TENM2: variants seen among roughly 807,000 people sequenced by gnomAD.
The protein encoded by TENM2 is teneurin-2.
In TENM2, 52 loss-of-function variants were observed where a neutral mutation model predicts 245.2. The observed-to-expected ratio is 0.21, with a 90% CI of 0.17 to 0.27. The LOEUF (loss-of-function observed/expected upper bound fraction) is 0.27. TENM2 is among the 10% of genes least tolerant of loss of function. The probability of loss-of-function intolerance (pLI) is 1.00; values close to 1 mark genes in which losing one functional copy is unlikely to be tolerated. For missense variants in TENM2, 3,046 were observed against 3,666.8 expected (o/e 0.83, Z 4.37); for synonymous variants, 1,363 against 1,438.9 (o/e 0.95, Z 1.19).
rs533212786 is a variant in TENM2 at position 168,190,659 on chromosome 5, C to T, written c.2780+112C>T. The stretch of plus-strand genomic sequence containing the variant: ...ACCCAATTGGCCTGGAATCTGCCCC[C>T]CTAGAGGCAGCTCCCTCCAAGGGGG... On this transcript the variant is annotated intron_variant, in intron 14 of 28. Coordinates refer to ENST00000518659, the Ensembl canonical transcript of TENM2. 7.9e-6 allele frequency: 7 copies of T among 891,032 alleles called. No individual in the cohort carries two copies. The East Asian group carries it at 1.3e-4, about 17-fold the overall frequency. The allele number at this position is 891,032 out of a possible 1,614,324, so 55.2% of individuals were successfully genotyped here.
chr5:168,146,045 T>C (rs1756043168), intron 12 of TENM2, among the ~76,000 whole-genome samples: 1 of 148,914 alleles, frequency 6.7e-6, no homozygotes, highest in African/African-American at 2.5e-5. Context: ...CCTGAGACTT[T>C]GCTGAAGTTG....
At chr5:168,149,380 C>T in intron 12 of TENM2, 1 of 457,088 alleles carries the variant, frequency 2.2e-6, no homozygotes, top group South Asian at 1.5e-5. Flanking sequence ...CCTCATCTGC[C>T]TGCTAGTTCC....
intron 4 of TENM2, among the ~76,000 whole-genome samples, chr5:167,975,849 C>G (rs1008760040): frequency 1.3e-5 from 2 of 148,634 alleles, no homozygotes; most frequent in East Asian, 3.9e-4. Context: ...AAAAAAGCAA[C>G]AGTGCCCCAA....
intron 2 of TENM2, among the ~76,000 whole-genome samples, chr5:167,699,093 A>G (rs1339125178): frequency 6.6e-6 from 1 of 152,210 alleles, no homozygotes; most frequent in Non-Finnish European, 1.5e-5. Flanking sequence ...AAAATGGAAC[A>G]TAAGACAGCC....
intron 4 of TENM2, among the ~76,000 whole-genome samples, chr5:167,954,809 A>T (rs1027881468): frequency 6.6e-6 from 1 of 152,136 alleles, no homozygotes; most frequent in African/African-American, 2.4e-5. Context: ...TCCTTTTGTT[A>T]TGGCTGCATA....
Position 168,233,076 on chromosome 5 carries a change from C to T in TENM2, c.5520+4946C>T, listed in dbSNP as rs571052289. 3.4e-3 allele frequency among the ~76,000 whole-genome samples: 517 copies of T among 152,282 alleles called. 5 individuals carry two copies. Among genetic ancestry groups the T allele is most frequent in the African/African-American group, 0.012 (497 of 41,546 alleles). On this transcript the variant is annotated intron_variant, in intron 25 of 28. Transcript: ENST00000518659. ...GGCGTGGTGTCTCACGCCTGTAATCCCAGCACTTTGGGAGGCCGAGGCGGG... is the reference window on the plus strand; with the variant it reads ...GGCGTGGTGTCTCACGCCTGTAATCTCAGCACTTTGGGAGGCCGAGGCGGG...
chr5:167,813,919 A>G (rs1037304583), intron 2 of TENM2, among the ~76,000 whole-genome samples: 1 of 152,128 alleles, frequency 6.6e-6, no homozygotes, highest in Non-Finnish European at 1.5e-5. Context: ...GTAACATGAA[A>G]TATTGATAGG....
intron 2 of TENM2, among the ~76,000 whole-genome samples, chr5:167,487,023 A>G (rs1351292512): frequency 1.3e-5 from 2 of 152,208 alleles, no homozygotes; most frequent in Non-Finnish European, 2.9e-5. Flanking sequence ...GTCCTATCTC[A>G]GTGGGGGAAC....
intron 3 of TENM2, among the ~76,000 whole-genome samples, chr5:167,896,317 A>G (rs755468298): frequency 2.6e-5 from 4 of 152,226 alleles, no homozygotes; most frequent in South Asian, 2.1e-4. Flanking sequence ...AGCTAAAGGA[A>G]AGACTAGCAC....
At chr5:167,093,639 C>G in the TENM2 span, among the ~76,000 whole-genome samples, 1 of 152,194 alleles carries the variant, frequency 6.6e-6, no homozygotes, top group Non-Finnish European at 1.5e-5. Flanking sequence ...CATGTATAAA[C>G]AGTCACAGTC....
intron 2 of TENM2, among the ~76,000 whole-genome samples, chr5:167,381,181 A>T (rs1581893308): frequency 6.6e-6 from 1 of 152,272 alleles, no homozygotes; most frequent in Middle Eastern, 3.4e-3. Context: ...GGTATTAATA[A>T]TAGATTTGTA....
chr5:168,200,503 G>A (rs1280608077), intron 17 of TENM2, among the ~76,000 whole-genome samples: 3 of 152,150 alleles, frequency 2.0e-5, no homozygotes, highest in Non-Finnish European at 4.4e-5. Context: ...AGGATTTCAG[G>A]CAGAGAGAAG....
chr5:167,879,642 C>T (rs186982399), intron 3 of TENM2, among the ~76,000 whole-genome samples: 35 of 152,290 alleles, frequency 2.3e-4, no homozygotes, highest in African/African-American at 8.2e-4. Context: ...TCTAAAAGCA[C>T]TGGCTTTCCT....
At chr5:167,181,883 A>G in the TENM2 span, among the ~76,000 whole-genome samples, 2 of 152,168 alleles carry the variant, frequency 1.3e-5, no homozygotes, top group Non-Finnish European at 2.9e-5. Flanking sequence ...AGATTCCTTT[A>G]GAAGGGTTTA....
exon 13 of TENM2, chr5:168,162,656 G>T: frequency 6.2e-7 from 1 of 1,614,020 alleles, no homozygotes; most frequent in African/African-American, 1.3e-5. Flanking sequence ...TGCACACTGG[G>T]TCAGAACAGC....
chr5:167,167,412 T>TC, the TENM2 span, among the ~76,000 whole-genome samples: 1 of 152,134 alleles, frequency 6.6e-6, no homozygotes, highest in Non-Finnish European at 1.5e-5. Flanking sequence ...GCAGCATCAA[T>TC]CCCCTCTTGA....
chr5:167,740,573 C>T (rs1761112199), intron 2 of TENM2, among the ~76,000 whole-genome samples: 1 of 152,262 alleles, frequency 6.6e-6, no homozygotes, highest in South Asian at 2.1e-4. Context: ...AGAAATAATG[C>T]CAGGCCTCTC....
At chr5:168,011,407 C>T (rs746933777) in intron 5 of TENM2, among the ~76,000 whole-genome samples, 23 of 152,114 alleles carry the variant, frequency 1.5e-4, no homozygotes, top group Non-Finnish European at 3.2e-4. Flanking sequence ...ATGTAGCAAG[C>T]GGAGACCAGA....
chr5:167,647,923 T>G (rs142260625), intron 2 of TENM2, among the ~76,000 whole-genome samples: 44 of 152,320 alleles, frequency 2.9e-4, no homozygotes, highest in African/African-American at 1.0e-3. Flanking sequence ...TCACTGCAAG[T>G]CGCCCTGAAG....
Sources: gnomAD v4.1 joint callset for allele counts (sites outside exome capture counted in the v4.1 genomes callset) on GRCh38, gnomAD v4.1.1 for gene constraint, MANE v1.5 for transcripts, NCBI Gene and HGNC (gene_info 2026-07-23, HGNC 2026-07-21) for gene names.